Variants in CNTNAP2 observed in about 807,000 individuals in gnomAD.
CNTNAP2 encodes the protein contactin associated protein 2.
In CNTNAP2, 98 loss-of-function variants were observed where a neutral mutation model predicts 155.2. The ratio of observed to expected loss-of-function variants is 0.63; its 90% confidence interval spans 0.54 to 0.75. The LOEUF (loss-of-function observed/expected upper bound fraction) is 0.75. CNTNAP2 is among the 30% of genes least tolerant of loss of function. The probability of loss-of-function intolerance (pLI) is 0.00; values close to 1 mark genes in which losing one functional copy is unlikely to be tolerated. For missense variants in CNTNAP2, 1,727 were observed against 1,688.1 expected, an observed-to-expected ratio of 1.02 and a Z score of -0.40; for synonymous variants, 651 against 631.2, an observed-to-expected ratio of 1.03 and a Z score of -0.47.
At chr7:147,526,248 G>A (rs542520379) in intron 11 of CNTNAP2, among the ~76,000 whole-genome samples, 1 of 151,186 alleles carries the variant, frequency 6.6e-6, no homozygotes, top group African/African-American at 2.4e-5. Flanking sequence ...TTGCAGGAAT[G>A]CTTGAATCTT....
chr7:148,225,007 A>G lies in CNTNAP2; in HGVS notation c.3248-4639A>G, dbSNP rs12666881. 5.7e-3 allele frequency among the ~76,000 whole-genome samples: 868 copies of G among 152,298 alleles called. 22 individuals are homozygous for G. The East Asian group carries it at 0.085, about 15-fold the overall frequency. ...TATGGGAACTACAATTTAAGATGAC[A>G]TTTGGATAGGGACACAGCCAAACCA... On this transcript the variant is annotated intron_variant, in intron 19 of 23. Coordinates refer to ENST00000361727, the MANE Select transcript of CNTNAP2 (RefSeq NM_014141.6).
intron 12 of CNTNAP2, among the ~76,000 whole-genome samples, chr7:147,629,417 AT>A (rs1243929400): frequency 7.0e-6 from 1 of 142,256 alleles, no homozygotes; most frequent in Non-Finnish European, 1.6e-5. Flanking sequence ...AATAATAATA[AT>A]AATAATAATA....
chr7:148,343,569 A>T (rs1798271356), intron 21 of CNTNAP2, among the ~76,000 whole-genome samples: 1 of 152,214 alleles, frequency 6.6e-6, no homozygotes, highest in Non-Finnish European at 1.5e-5. Context: ...GATAAGTCAC[A>T]CCTCAGAATG....
intron 1 of CNTNAP2, among the ~76,000 whole-genome samples, chr7:146,483,467 T>C (rs1255762035): frequency 6.7e-6 from 1 of 150,166 alleles, no homozygotes; most frequent in African/African-American, 2.4e-5. Context: ...AGCTGGTTTC[T>C]AACACAGGTC....
At chr7:147,084,744 G>A (rs995390215) in intron 4 of CNTNAP2, among the ~76,000 whole-genome samples, 2 of 147,200 alleles carry the variant, frequency 1.4e-5, no homozygotes, top group South Asian at 2.1e-4. Flanking sequence ...TATATATAAT[G>A]TATATAATAT....
chr7:146,936,953 A>C (rs898102267), intron 3 of CNTNAP2, among the ~76,000 whole-genome samples: 1 of 152,194 alleles, frequency 6.6e-6, no homozygotes, highest in African/African-American at 2.4e-5. Context: ...TTTAAATTTA[A>C]AATAAAATAA....
At position 147,442,794 on chromosome 7, in the gene CNTNAP2, T is replaced by C. The variant is rs115228607; in HGVS notation, c.1671-43141T>C. ...CTCTGGCCCAGGGTATGTCTAGAAATGTTATCTTGCAGGTAGGGCCTGGAA... is the reference window on the plus strand; with the variant it reads ...CTCTGGCCCAGGGTATGTCTAGAAACGTTATCTTGCAGGTAGGGCCTGGAA... On this transcript the variant is annotated intron_variant, in intron 10 of 23. Transcript: ENST00000361727. Among the ~76,000 whole-genome samples, 558 of 152,106 alleles carry C rather than the reference T, an allele frequency of 3.7e-3. 2 individuals carry two copies. Among genetic ancestry groups the C allele is most frequent in the African/African-American group, 0.013 (535 of 41,494 alleles).
chr7:146,304,095 C>CT (rs550435247), intron 1 of CNTNAP2, among the ~76,000 whole-genome samples: 17,915 of 132,398 alleles, frequency 0.14, 3,602 homozygotes, highest in African/African-American at 0.44. Context: ...GCAAACCCTG[C>CT]TTTTTTTTTT....
At chr7:147,850,185 A>G (rs558490608) in intron 13 of CNTNAP2, among the ~76,000 whole-genome samples, 1 of 152,324 alleles carries the variant, frequency 6.6e-6, no homozygotes, top group East Asian at 1.9e-4. Context: ...AAGAGAATAA[A>G]ACAGCTAGGA....
chr7:148,302,712 C>T (rs1797416423), intron 21 of CNTNAP2, among the ~76,000 whole-genome samples: 1 of 152,080 alleles, frequency 6.6e-6, no homozygotes, highest in Non-Finnish European at 1.5e-5. Context: ...TGCCTACTTC[C>T]CCTTCCCCAT....
At chr7:147,096,984 G>T (rs1800549049) in intron 4 of CNTNAP2, among the ~76,000 whole-genome samples, 1 of 152,044 alleles carries the variant, frequency 6.6e-6, no homozygotes, top group African/African-American at 2.4e-5. Context: ...CTATTTTATG[G>T]TTGAGGTAAA....
intron 21 of CNTNAP2, among the ~76,000 whole-genome samples, chr7:148,379,213 G>T (rs1798997438): frequency 6.7e-6 from 1 of 149,382 alleles, no homozygotes; most frequent in African/African-American, 2.4e-5. Flanking sequence ...AGAAAATGAA[G>T]TTGACAGTGA....
intron 1 of CNTNAP2, among the ~76,000 whole-genome samples, chr7:146,319,548 G>A (rs1408021458): frequency 1.3e-5 from 2 of 152,150 alleles, no homozygotes; most frequent in African/African-American, 2.4e-5. Flanking sequence ...TATAGCAAAT[G>A]TGTTAAAAGT....
At chr7:147,047,110 T>TC (rs954342971) in intron 4 of CNTNAP2, among the ~76,000 whole-genome samples, 5 of 139,502 alleles carry the variant, frequency 3.6e-5, no homozygotes, top group African/African-American at 1.3e-4. Flanking sequence ...TGTTTCTTTT[T>TC]TTTTTTTTTT....
rs56158300 is a variant in CNTNAP2 at position 146,270,897 on chromosome 7, T to G, written c.97+153924T>G. 2.0e-5 allele frequency among the ~76,000 whole-genome samples: 3 copies of G among 152,186 alleles called. No individual in the cohort carries two copies. In the East Asian group the frequency reaches 5.8e-4, roughly 29 times the overall value. On this transcript the variant is annotated intron_variant, in intron 1 of 23. Coordinates refer to ENST00000361727, the MANE Select transcript of CNTNAP2 (RefSeq NM_014141.6). ...CAGATTGAGACATTCAACAAACATT[T>G]CTTGAATACCTAATATGTACAAGAC...
At chr7:147,002,419 GT>G (rs1261631238) in intron 3 of CNTNAP2, among the ~76,000 whole-genome samples, 4 of 152,030 alleles carry the variant, frequency 2.6e-5, no homozygotes, top group Admixed American at 6.6e-5. Flanking sequence ...TAATCCAGTT[GT>G]GCCTATAGAA....
At chr7:147,403,232 A>T (rs565485751) in intron 10 of CNTNAP2, among the ~76,000 whole-genome samples, 1 of 152,212 alleles carries the variant, frequency 6.6e-6, no homozygotes, top group South Asian at 2.1e-4. Flanking sequence ...TCTACCTATC[A>T]CCTGGGAGCC....
chr7:147,781,892 G>A (rs995229897), intron 13 of CNTNAP2, among the ~76,000 whole-genome samples: 4 of 152,008 alleles, frequency 2.6e-5, no homozygotes, highest in East Asian at 1.9e-4. Context: ...GCGTGGCGGC[G>A]GGCGCCTGTA....
chr7:146,419,216 A>T (rs1032022076), intron 1 of CNTNAP2, among the ~76,000 whole-genome samples: 2 of 152,128 alleles, frequency 1.3e-5, no homozygotes, highest in African/African-American at 2.4e-5. Flanking sequence ...GCTAAACAAA[A>T]GGAGAAACCT....
Sources: allele counts gnomAD v4.1 joint callset (sites outside exome capture counted in the v4.1 genomes callset), GRCh38; gene constraint gnomAD v4.1.1; transcripts MANE v1.5; gene names NCBI Gene and HGNC (gene_info 2026-07-23, HGNC 2026-07-21).